The following NDUFA10 variants were observed in gnomAD, a reference collection of about 807,000 sequenced individuals.
NDUFA10 encodes NADH dehydrogenase [ubiquinone] 1 alpha subcomplex subunit 10, mitochondrial.
NDUFA10 carries 40 observed loss-of-function variants against 47.8 expected under a neutral mutation model. The observed-to-expected ratio is 0.84, with a 90% confidence interval of 0.65 to 1.09. The LOEUF is 1.09. Among genes scored for constraint, NDUFA10 ranks in the 50% least tolerant of loss-of-function variants. The pLI, the probability that NDUFA10 is intolerant of heterozygous loss-of-function variation, is 0.00. For missense variants in NDUFA10, 413 were observed against 451.1 expected, an observed-to-expected ratio of 0.92 and a Z score of 0.76; for synonymous variants, 183 against 172.2, an observed-to-expected ratio of 1.06 and a Z score of -0.49.
intron 8 of NDUFA10, among the ~76,000 whole-genome samples, chr2:240,004,389 G>T (rs1696854485): frequency 6.6e-6 from 1 of 152,100 alleles, no homozygotes. Context: ...CACAATAGCT[G>T]AATGGATATA....
At chr2:239,954,528 T>C, downstream of NDUFA10, among the ~76,000 whole-genome samples, 1 of 152,194 alleles carries the variant, frequency 6.6e-6, no homozygotes, top group East Asian at 1.9e-4. Flanking sequence ...GCCAAGGACA[T>C]TCAGAGGAAA....
intron 4 of NDUFA10, among the ~76,000 whole-genome samples, chr2:239,919,061 C>T (rs1477732443): frequency 6.6e-6 from 1 of 152,180 alleles, no homozygotes; most frequent in Non-Finnish European, 1.5e-5. Flanking sequence ...TGGCACTTGT[C>T]TCTCCAGGTC....
chr2:240,020,107 T>A (rs1398213885), intron 3 of NDUFA10, among the ~76,000 whole-genome samples: 3 of 150,256 alleles, frequency 2.0e-5, no homozygotes, highest in East Asian at 2.0e-4. Context: ...ACACACTGCA[T>A]CCGTGGAGAC....
intron 4 of NDUFA10, among the ~76,000 whole-genome samples, chr2:239,907,827 A>T (rs1055143748): frequency 6.6e-6 from 1 of 152,210 alleles, no homozygotes; most frequent in African/African-American, 2.4e-5. Flanking sequence ...ACCATTGTGG[A>T]AGACAGTGTG....
At chr2:239,965,752 T>TGA (rs1304670493) in intron 9 of NDUFA10, among the ~76,000 whole-genome samples, 1 of 152,196 alleles carries the variant, frequency 6.6e-6, no homozygotes, top group Admixed American at 6.5e-5. Flanking sequence ...CTGCCGAGTA[T>TGA]ACACCGGGTG....
At chr2:240,003,129 C>T (rs1162862487) in intron 8 of NDUFA10, among the ~76,000 whole-genome samples, 2 of 152,144 alleles carry the variant, frequency 1.3e-5, no homozygotes, top group East Asian at 1.9e-4. Context: ...GGTTTACAGA[C>T]GTGAACGCTG....
chr2:239,971,282 A>G (rs765446948), intron 9 of NDUFA10, among the ~76,000 whole-genome samples: 1 of 152,242 alleles, frequency 6.6e-6, no homozygotes, highest in Non-Finnish European at 1.5e-5. Context: ...GCCCAGGTAC[A>G]TCGCAAGGGT....
At chr2:239,926,807 G>A (rs903922983) in intron 4 of NDUFA10, among the ~76,000 whole-genome samples, 2 of 152,174 alleles carry the variant, frequency 1.3e-5, no homozygotes, top group South Asian at 2.1e-4. Flanking sequence ...TAATAAAGAC[G>A]TACCCGAGAC....
intron 9 of NDUFA10, among the ~76,000 whole-genome samples, chr2:239,988,761 G>A (rs1241619001): frequency 6.6e-6 from 1 of 152,234 alleles, no homozygotes; most frequent in Admixed American, 6.5e-5. Context: ...CTACAGCGTT[G>A]ATGCCAGGGA....
At chr2:240,011,717 CA>C (rs754841882) in intron 5 of NDUFA10, 21 bp from the exon 6 acceptor site, 3 of 1,581,462 alleles carry the variant, frequency 1.9e-6, no homozygotes, top group Non-Finnish European at 2.6e-6. Context: ...GCAGAAAAAT[CA>C]AACTGGGAAA....
At chr2:240,002,928 C>T (rs1283846370) in intron 8 of NDUFA10, among the ~76,000 whole-genome samples, 1 of 152,136 alleles carries the variant, frequency 6.6e-6, no homozygotes, top group African/African-American at 2.4e-5. Context: ...CAGCTCATTG[C>T]AGCCTCAACC....
intron 4 of NDUFA10, among the ~76,000 whole-genome samples, chr2:239,923,470 G>A (rs1694021148): frequency 6.6e-6 from 1 of 151,992 alleles, no homozygotes; most frequent in Non-Finnish European, 1.5e-5. Context: ...ATAACAAAAA[G>A]ATAACAGGAG....
At chr2:239,899,042 GGTGTGATGGAGGA>G (rs1193626036) in intron 4 of NDUFA10, among the ~76,000 whole-genome samples, 746 of 67,126 alleles carry the variant, frequency 0.011, 202 homozygotes, top group Non-Finnish European at 0.015. Flanking sequence ...GTAAAGGAGG[GGTGTGATGGAGGA>G]GTGTGATGGA....
At chr2:239,920,610 T>C (rs1002399246) in intron 4 of NDUFA10, among the ~76,000 whole-genome samples, 1 of 152,180 alleles carries the variant, frequency 6.6e-6, no homozygotes, top group African/African-American at 2.4e-5. Context: ...TCCGTCTCCT[T>C]AACTTCCCTA....
At chr2:240,017,675 G>C in intron 4 of NDUFA10, 1 of 670,600 alleles carries the variant, frequency 1.5e-6, no homozygotes, top group Non-Finnish European at 2.6e-6. Flanking sequence ...CCGCTGCTCA[G>C]CATGTCCAGG....
intron 4 of NDUFA10, among the ~76,000 whole-genome samples, chr2:240,015,081 C>T (rs1327182619): frequency 6.6e-6 from 1 of 152,226 alleles, no homozygotes; most frequent in Non-Finnish European, 1.5e-5. Context: ...AGCTGTGGTG[C>T]CCACAACCCT....
chr2:239,988,359 A>G (rs1457349209), intron 9 of NDUFA10, among the ~76,000 whole-genome samples: 1 of 152,208 alleles, frequency 6.6e-6, no homozygotes, highest in Non-Finnish European at 1.5e-5. Flanking sequence ...GTACGCATCT[A>G]ATCATACGGC....
Position 239,961,026 on chromosome 2 carries a change from C to T in NDUFA10, c.*92G>A. On this transcript the variant is annotated 3_prime_UTR_variant, in exon 10 of 10. Coordinates refer to ENST00000252711, the MANE Select transcript of NDUFA10 (RefSeq NM_004544.4). ...GTGCAATTTTTGCATTATTTACCCT[C>T]CCCCGATCTTAAAGCTATATGGCGT... is the stretch of plus-strand genomic sequence containing the variant. The T allele has an allele frequency of 3.1e-6, 5 of 1,590,472 alleles. No homozygotes were observed. Among genetic ancestry groups the T allele is most frequent in the Admixed American group, 1.8e-5 (1 of 56,848 alleles).
intron 4 of NDUFA10, among the ~76,000 whole-genome samples, chr2:239,948,912 G>A (rs1307179170): frequency 6.6e-6 from 1 of 152,236 alleles, no homozygotes; most frequent in East Asian, 1.9e-4. Context: ...CAGGAGTCCA[G>A]AAGAGAAGGC....
Sources: gnomAD v4.1 joint callset for allele counts (sites outside exome capture counted in the v4.1 genomes callset) on GRCh38, gnomAD v4.1.1 for gene constraint, MANE v1.5 for transcripts, NCBI Gene and HGNC (gene_info 2026-07-23, HGNC 2026-07-21) for gene names.